ADGRL2: variants seen among roughly 807,000 people sequenced by gnomAD.
ADGRL2 encodes the protein calcium-independent alpha-latrotoxin receptor 2.
In ADGRL2, 44 loss-of-function variants were observed where a neutral mutation model predicts 157.4. That is an observed-to-expected ratio of 0.28 (90% confidence interval 0.22 to 0.36). The LOEUF (loss-of-function observed/expected upper bound fraction) is 0.36. Among genes scored for constraint, ADGRL2 ranks in the 10% least tolerant of loss-of-function variants. The probability of loss-of-function intolerance (pLI) is 1.00; values close to 1 mark genes in which losing one functional copy is unlikely to be tolerated. For missense variants in ADGRL2, 1,510 were observed against 1,768.9 expected, an observed-to-expected ratio of 0.85 and a Z score of 2.63; for synonymous variants, 585 against 624.7, an observed-to-expected ratio of 0.94 and a Z score of 0.95.
upstream of ADGRL2, among the ~76,000 whole-genome samples, chr1:81,699,464 G>A (rs1016245364): frequency 1.3e-5 from 2 of 152,198 alleles, no homozygotes; most frequent in African/African-American, 4.8e-5. Context: ...GGCCCAGTGC[G>A]TGGGTAAATC....
intron 3 of ADGRL2, among the ~76,000 whole-genome samples, chr1:81,683,963 C>T (rs1458988352): frequency 3.3e-5 from 5 of 151,864 alleles, no homozygotes; most frequent in African/African-American, 7.3e-5. Context: ...ATTACAGGCG[C>T]ACGCCACCAT....
chr1:81,412,507 G>T (rs1297465388), intron 1 of ADGRL2, among the ~76,000 whole-genome samples: 1 of 152,120 alleles, frequency 6.6e-6, no homozygotes, highest in African/African-American at 2.4e-5. Context: ...TCATAGTGTA[G>T]TGCTATCATG....
chr1:81,530,848 G>A (rs2079580027), intron 2 of ADGRL2, among the ~76,000 whole-genome samples: 1 of 152,082 alleles, frequency 6.6e-6, no homozygotes, highest in Non-Finnish European at 1.5e-5. Context: ...ACTTTGGGAG[G>A]CCAAGGCAGG....
intron 1 of ADGRL2, among the ~76,000 whole-genome samples, chr1:81,434,933 G>A (rs1004922359): frequency 3.3e-5 from 5 of 152,192 alleles, no homozygotes; most frequent in African/African-American, 9.7e-5. Context: ...CACACTGCAA[G>A]GGACTCCTGT....
intron 2 of ADGRL2, among the ~76,000 whole-genome samples, chr1:81,884,396 G>T (rs1470565717): frequency 6.6e-6 from 1 of 152,150 alleles, no homozygotes; most frequent in Non-Finnish European, 1.5e-5. Flanking sequence ...TTTCCTAAGA[G>T]ATACTGTTGA....
chr1:81,920,498 A>G (rs1557914280), intron 3 of ADGRL2, among the ~76,000 whole-genome samples: 1 of 152,076 alleles, frequency 6.6e-6, no homozygotes. Flanking sequence ...CACGGGCTGA[A>G]GGGATCTTAA....
At chr1:81,927,823 G>C (rs2095142897) in intron 3 of ADGRL2, among the ~76,000 whole-genome samples, 1 of 151,860 alleles carries the variant, frequency 6.6e-6, no homozygotes, top group African/African-American at 2.4e-5. Context: ...AATTAGTTAA[G>C]CTCACAAATC....
At chr1:81,556,626 A>C (rs1162237500) in intron 2 of ADGRL2, among the ~76,000 whole-genome samples, 5 of 152,116 alleles carry the variant, frequency 3.3e-5, no homozygotes, top group Non-Finnish European at 7.4e-5. Context: ...AAAAAAAAAA[A>C]ATTTTTTTTT....
At chr1:81,744,501 G>T (rs2085179059) in intron 1 of ADGRL2, among the ~76,000 whole-genome samples, 1 of 152,096 alleles carries the variant, frequency 6.6e-6, no homozygotes, top group South Asian at 2.1e-4. Context: ...CTGTGTTCTG[G>T]AGAACCATAA....
chr1:81,563,155 G>A (rs1424006628), intron 2 of ADGRL2, among the ~76,000 whole-genome samples: 12 of 152,158 alleles, frequency 7.9e-5, no homozygotes, highest in Admixed American at 7.2e-4. Context: ...ATGTGACAGA[G>A]GAAATGGGCT....
At chr1:81,447,979 C>T (rs1204492712) in intron 2 of ADGRL2, among the ~76,000 whole-genome samples, 4 of 151,938 alleles carry the variant, frequency 2.6e-5, no homozygotes, top group African/African-American at 4.8e-5. Flanking sequence ...CTGTCTCTTC[C>T]TCCTGCTCCG....
upstream of ADGRL2, among the ~76,000 whole-genome samples, chr1:81,699,012 T>G (rs940483319): frequency 1.3e-5 from 2 of 152,202 alleles, no homozygotes; most frequent in African/African-American, 4.8e-5. Context: ...CTTTTCTCTT[T>G]AGAAGAAGTA....
At chr1:81,833,085 C>T (rs548643785) in intron 1 of ADGRL2, among the ~76,000 whole-genome samples, 3 of 152,172 alleles carry the variant, frequency 2.0e-5, no homozygotes, top group African/African-American at 4.8e-5. Context: ...TACAGAAAAG[C>T]GGCTCTTGTT....
intron 1 of ADGRL2, among the ~76,000 whole-genome samples, chr1:81,324,745 G>T (rs10874217): frequency 4.6e-5 from 7 of 151,700 alleles, no homozygotes; most frequent in Admixed American, 2.6e-4. Context: ...GAGGCAGAGT[G>T]TTTTCCTGTC....
At chr1:81,502,762 A>C (rs972044238) in intron 2 of ADGRL2, 1 of 1,613,448 alleles carries the variant, frequency 6.2e-7, no homozygotes, top group African/African-American at 1.3e-5. Context: ...CCGCAGGGAG[A>C]GCCGGCGGCC....
At chr1:81,898,508 G>A (rs1373702567) in intron 2 of ADGRL2, among the ~76,000 whole-genome samples, 4 of 152,046 alleles carry the variant, frequency 2.6e-5, no homozygotes, top group Admixed American at 2.6e-4. Context: ...GATGTTTTAG[G>A]GTTTGATTGA....
intron 1 of ADGRL2, among the ~76,000 whole-genome samples, chr1:81,443,246 C>T (rs1373598514): frequency 1.3e-5 from 2 of 151,998 alleles, no homozygotes; most frequent in African/African-American, 4.8e-5. Flanking sequence ...CATGATGAAA[C>T]CCCATCTCTA....
Position 81,527,838 on chromosome 1 carries a change from C to T in ADGRL2, c.-247-53038C>T, listed in dbSNP as rs573670579. 5.9e-5 allele frequency among the ~76,000 whole-genome samples: 9 copies of T among 152,168 alleles called. No homozygotes were observed. In the South Asian group the frequency reaches 1.5e-3, roughly 25 times the overall value. ...ATCCCAGCATTTTGGGAGGCTGAGG[C>T]GGGTGGATCACGAGGTCAGGAGATC... On this transcript the variant is annotated intron_variant, in intron 2 of 24. Coordinates refer to the ADGRL2 transcript ENST00000370721.
intron 2 of ADGRL2, among the ~76,000 whole-genome samples, chr1:81,788,273 G>A (rs1331404494): frequency 6.6e-6 from 1 of 152,168 alleles, no homozygotes; most frequent in African/African-American, 2.4e-5. Context: ...CATTAGAGGT[G>A]GAGCCTGGTG....
Sources: allele counts gnomAD v4.1 joint callset (sites outside exome capture counted in the v4.1 genomes callset), GRCh38; gene constraint gnomAD v4.1.1; transcripts MANE v1.5; gene names NCBI Gene and HGNC (gene_info 2026-07-23, HGNC 2026-07-21).